GRM1: variants seen among roughly 807,000 people sequenced by gnomAD.
GRM1 encodes glutamate metabotropic receptor 1, also known as metabotropic glutamate receptor 1.
In GRM1, 33 loss-of-function variants were observed where a neutral mutation model predicts 90.9. The ratio of observed to expected loss-of-function variants is 0.36; its 90% CI spans 0.28 to 0.49. The LOEUF (loss-of-function observed/expected upper bound fraction) is 0.49, where lower values mean the gene tolerates loss of function less well. Ranked by LOEUF, GRM1 falls within the 20% of genes least tolerant of loss-of-function variation. The pLI, the probability that GRM1 is intolerant of heterozygous loss-of-function variation, is 0.99. For missense variants in GRM1, 1,190 were observed against 1,534.3 expected (o/e 0.78, Z 3.75); for synonymous variants, 700 against 613.2 (o/e 1.14, Z -2.09).
intron 2 of GRM1, among the ~76,000 whole-genome samples, chr6:146,191,879 A>T (rs561962576): frequency 6.6e-6 from 1 of 152,286 alleles, no homozygotes; most frequent in South Asian, 2.1e-4. Flanking sequence ...TTTTGTGCTG[A>T]ATATAAATGG....
chr6:146,372,316 T>A (rs908086479), intron 5 of GRM1, among the ~76,000 whole-genome samples: 2 of 152,132 alleles, frequency 1.3e-5, no homozygotes, highest in Admixed American at 6.6e-5. Flanking sequence ...ATTATCAGAT[T>A]TTTTTCCTAT....
At chr6:146,196,166 G>T (rs1026503021) in intron 2 of GRM1, among the ~76,000 whole-genome samples, 5 of 152,140 alleles carry the variant, frequency 3.3e-5, no homozygotes, top group African/African-American at 1.2e-4. Context: ...TAAGTGATGG[G>T]TAATTATATG....
intron 3 of GRM1, among the ~76,000 whole-genome samples, chr6:146,307,051 T>C (rs1783601843): frequency 6.6e-6 from 1 of 152,224 alleles, no homozygotes; most frequent in Non-Finnish European, 1.5e-5. Context: ...TCTAGGAAGA[T>C]ATTTTGTTGA....
At chr6:146,095,586 A>T (rs1289478350) in intron 1 of GRM1, among the ~76,000 whole-genome samples, 3 of 152,078 alleles carry the variant, frequency 2.0e-5, no homozygotes, top group Non-Finnish European at 4.4e-5. Context: ...TTTATCACTT[A>T]TCACGACCTG....
intron 3 of GRM1, among the ~76,000 whole-genome samples, chr6:146,335,685 T>A (rs951491545): frequency 2.6e-5 from 4 of 152,192 alleles, no homozygotes; most frequent in African/African-American, 9.7e-5. Flanking sequence ...GTAATTTTTT[T>A]AATGTGTAGG....
intron 2 of GRM1, among the ~76,000 whole-genome samples, chr6:146,206,186 G>T (rs1779487516): frequency 6.6e-6 from 1 of 152,220 alleles, no homozygotes; most frequent in Non-Finnish European, 1.5e-5. Flanking sequence ...AAGGCAGAAA[G>T]ATGTAGTCAG....
In GRM1 at chr6:146,030,195, T is replaced by C. The variant is rs1582899303; in HGVS notation, c.678T>C (p.Tyr226=). 5.6e-6 allele frequency: 9 copies of C among 1,612,986 alleles called. No individual in the cohort carries two copies. The East Asian group carries it at 1.3e-4, about 24-fold the overall frequency. Residue 226 remains tyrosine, a synonymous_variant, in exon 1 of 8, where the codon TAT becomes TAC. Transcript: ENST00000282753. The stretch of plus-strand genomic sequence containing the variant: ...TAGTCAAACGTTACAATTGGACCTA[T>C]GTCTCTGCAGTCCACACGGAAGGTA... ...LDIVKRYNWT[Y]VSAVHTEGNY... is the part of the protein sequence containing the mutation.
chr6:146,339,141 A>G (rs890213703), intron 3 of GRM1, among the ~76,000 whole-genome samples: 5 of 152,244 alleles, frequency 3.3e-5, no homozygotes, highest in African/African-American at 1.2e-4. Context: ...GTTCTCTTGA[A>G]TAACTTCAAA....
chr6:146,211,824 T>A (rs940593710), intron 2 of GRM1, among the ~76,000 whole-genome samples: 2 of 152,262 alleles, frequency 1.3e-5, no homozygotes, highest in Non-Finnish European at 2.9e-5. Context: ...ACTGACTGGC[T>A]TGTGTTTCAG....
chr6:146,043,413 C>T (rs1260878524), intron 1 of GRM1, among the ~76,000 whole-genome samples: 1 of 151,880 alleles, frequency 6.6e-6, no homozygotes, highest in Non-Finnish European at 1.5e-5. Context: ...AAGGTCAGAA[C>T]AGGGATTAAA....
chr6:146,082,119 A>T (rs9399573), intron 1 of GRM1, among the ~76,000 whole-genome samples: 61,765 of 151,772 alleles, frequency 0.41, 12,849 homozygotes, highest in Middle Eastern at 0.54. Context: ...AAATCTAGAG[A>T]CATTAACTCC....
intron 1 of GRM1, among the ~76,000 whole-genome samples, chr6:146,073,661 C>G (rs1245600113): frequency 1.3e-5 from 2 of 151,958 alleles, no homozygotes; most frequent in Non-Finnish European, 2.9e-5. Flanking sequence ...GTCTGCAAAA[C>G]TGGTAATGAT....
At chr6:146,229,562 C>T (rs1780373701) in intron 2 of GRM1, among the ~76,000 whole-genome samples, 1 of 151,890 alleles carries the variant, frequency 6.6e-6, no homozygotes, top group Admixed American at 6.6e-5. Flanking sequence ...ACTGAGTAAA[C>T]TTTCTTCAGG....
intron 1 of GRM1, among the ~76,000 whole-genome samples, chr6:146,044,425 T>A (rs977914889): frequency 1.3e-5 from 2 of 151,964 alleles, no homozygotes; most frequent in Admixed American, 6.6e-5. Flanking sequence ...TGTTGAATGT[T>A]CTAGGTAGGC....
At position 146,172,497 on chromosome 6, in the gene GRM1, G is replaced by T. The variant is rs369756063; in HGVS notation, c.950+12900G>T. Reference sequence around the variant, plus strand: ...GACATCTTTGACTGGCTATTATTTTGAGCAGAAGGTCAAAGAGAGGACAGG... The same window carrying T: ...GACATCTTTGACTGGCTATTATTTTTAGCAGAAGGTCAAAGAGAGGACAGG... On this transcript the variant is annotated intron_variant, in intron 2 of 7. Transcript: ENST00000282753. 5.3e-4 allele frequency among the ~76,000 whole-genome samples: 80 copies of T among 152,278 alleles called. No individual in the cohort carries two copies. In the East Asian group the frequency reaches 0.014, roughly 28 times the overall value.
intron 1 of GRM1, among the ~76,000 whole-genome samples, chr6:146,139,738 G>A (rs957341201): frequency 1.3e-5 from 2 of 151,982 alleles, no homozygotes; most frequent in Non-Finnish European, 2.9e-5. Flanking sequence ...AGATCATTGG[G>A]TCTTATTTAT....
intron 2 of GRM1, among the ~76,000 whole-genome samples, chr6:146,184,163 G>A (rs1376009964): frequency 6.6e-6 from 1 of 152,106 alleles, no homozygotes; most frequent in Non-Finnish European, 1.5e-5. Context: ...GGTCCAGCCT[G>A]GGCACTTGGT....
At chr6:146,306,951 G>T (rs879599140) in intron 3 of GRM1, among the ~76,000 whole-genome samples, 2 of 152,110 alleles carry the variant, frequency 1.3e-5, no homozygotes, top group African/African-American at 2.4e-5. Context: ...GATATCTGAT[G>T]GTGGTCCAAC....
intron 5 of GRM1, among the ~76,000 whole-genome samples, chr6:146,385,682 A>T (rs1306469660): frequency 6.6e-6 from 1 of 151,900 alleles, no homozygotes; most frequent in African/African-American, 2.4e-5. Flanking sequence ...TTGTTATTTT[A>T]AAAAACATAT....
Sources: gnomAD v4.1 joint callset for allele counts (sites outside exome capture counted in the v4.1 genomes callset) on GRCh38, gnomAD v4.1.1 for gene constraint, MANE v1.5 for transcripts, NCBI Gene and HGNC (gene_info 2026-07-23, HGNC 2026-07-21) for gene names.